Variants in ABCC12 observed in about 807,000 individuals in gnomAD.
The protein encoded by ABCC12 is ATP binding cassette subfamily C member 12.
Under a neutral mutation model 151.1 loss-of-function variants are expected in ABCC12, and 142 were observed. The observed-to-expected ratio is 0.94, with a 90% CI of 0.82 to 1.08. The LOEUF (loss-of-function observed/expected upper bound fraction) is 1.08, where lower values mean the gene tolerates loss of function less well. Among genes scored for constraint, ABCC12 ranks in the 50% least tolerant of loss-of-function variants. ABCC12 has a pLI of 0.00. For missense variants in ABCC12, 1,638 were observed against 1,691.1 expected (o/e 0.97, Z 0.55); for synonymous variants, 645 against 646.4 (o/e 1.00, Z 0.03).
chr16:48,118,253 C>G (rs1963956162), intron 13 of ABCC12, among the ~76,000 whole-genome samples: 1 of 152,188 alleles, frequency 6.6e-6, no homozygotes, highest in African/African-American at 2.4e-5. Flanking sequence ...GATGTCGTCC[C>G]CATGTTATGA....
chr16:48,104,188 G>C lies in ABCC12; in HGVS notation c.2854C>G (p.Leu952Val), dbSNP rs370090256. The C allele has an allele frequency of 1.2e-6, 2 of 1,614,160 alleles. No homozygotes were observed. The highest frequency in any genetic ancestry group is 1.7e-6 in the Non-Finnish European group (2 of 1,180,042). Residue 952 changes from leucine to valine, a missense_variant, in exon 22 of 31, where the codon CTT becomes GTT. Coordinates refer to ENST00000311303, the MANE Select transcript of ABCC12 (RefSeq NM_001393797.1). ...ACAGCAAGGCTGGCCACGACTAAAAGGACAGCAGGAAACACAGCAGCCAAG... is the reference window on the plus strand; with the variant it reads ...ACAGCAAGGCTGGCCACGACTAAAACGACAGCAGGAAACACAGCAGCCAAG... ...VILAAVFPAV[L>V]LVVASLAVGF...
chr16:48,111,669 A>C lies in ABCC12; in HGVS notation c.2125-7T>G. ...TGTAAAGGTGTTCAGGATCCTGGAGACAAAATGAAATTCCTTCTGAATGCT... is the reference window on the plus strand; with the variant it reads ...TGTAAAGGTGTTCAGGATCCTGGAGCCAAAATGAAATTCCTTCTGAATGCT... On this transcript the variant is annotated splice_region_variant and splice_polypyrimidine_tract_variant and intron_variant, in intron 16 of 30. Transcript: ENST00000311303. 1 of 1,614,086 alleles carries C rather than the reference A, an allele frequency of 6.2e-7. No homozygotes were observed. The highest frequency in any genetic ancestry group is 8.5e-7 in the Non-Finnish European group (1 of 1,180,012).
intron 19 of ABCC12, 98 bp downstream of exon 19, chr16:48,108,342 A>G (rs1963569162): frequency 2.6e-6 from 3 of 1,162,116 alleles, no homozygotes; most frequent in Non-Finnish European, 3.7e-6. Flanking sequence ...CATAAACAGA[A>G]TAATTGTTAA....
At chr16:48,136,736 G>T (rs888415081) in intron 8 of ABCC12, among the ~76,000 whole-genome samples, 1 of 152,166 alleles carries the variant, frequency 6.6e-6, no homozygotes, top group Non-Finnish European at 1.5e-5. Context: ...TCAAGACAAA[G>T]TTACTGTAAA....
At chr16:48,139,505 C>G (rs1221627598) in intron 6 of ABCC12, among the ~76,000 whole-genome samples, 169 bp from the exon 7 acceptor site, 1 of 152,042 alleles carries the variant, frequency 6.6e-6, no homozygotes, top group Non-Finnish European at 1.5e-5. Flanking sequence ...GGTTCTGGTA[C>G]GACTTTGGAG....
chr16:48,139,707 C>A (rs936475407), intron 6 of ABCC12, among the ~76,000 whole-genome samples: 1 of 152,194 alleles, frequency 6.6e-6, no homozygotes, highest in Non-Finnish European at 1.5e-5. Context: ...CATTTCCCAG[C>A]CTCCTTTGTG....
chr16:48,085,484 A>C (rs1410000467), intron 29 of ABCC12, 109 bp downstream of exon 29: 3 of 923,680 alleles, frequency 3.2e-6, no homozygotes, highest in African/African-American at 3.3e-5. Flanking sequence ...TAAATGGCTC[A>C]ATTGCTGTCT....
chr16:48,091,135 G>T lies in ABCC12; in HGVS notation c.3270C>A (p.Leu1090=). ...AATTTCTTACCGAAATGTATTCCCT[G>T]AGCAGCTCCACGGAGGTGAATTTGG... ...TQAKFTSVEL[L]REYISTCVPE... The change falls in exon 25 of 31, where the codon CTC becomes CTA. Residue 1090 remains leucine, a synonymous_variant. Coordinates refer to ENST00000311303, the MANE Select transcript of ABCC12 (RefSeq NM_001393797.1). The T allele has an allele frequency of 6.2e-7, 1 of 1,614,120 alleles. No homozygotes were observed. The highest frequency in any genetic ancestry group is 8.5e-7 in the Non-Finnish European group (1 of 1,180,012).
chr16:48,129,729 C>T (rs1835649435), intron 10 of ABCC12, among the ~76,000 whole-genome samples: 1 of 152,150 alleles, frequency 6.6e-6, no homozygotes, highest in African/African-American at 2.4e-5. Flanking sequence ...AATCACTGCG[C>T]TAATCAGATG....
Position 48,128,481 on chromosome 16 carries a change from C to T in ABCC12, c.1493G>A (p.Ser498Asn), listed in dbSNP as rs1380519794. ...QSDSLKSVLH[S>N]ISFVVRKGKI... Reference sequence around the variant, plus strand: ...CACCTTTCTCACCACAAAGCTTATGCTGTGCAGAACCGATTTGAGGCTGTC... The same window carrying T: ...CACCTTTCTCACCACAAAGCTTATGTTGTGCAGAACCGATTTGAGGCTGTC... The change falls in exon 11 of 31, where the codon AGC becomes AAC. Residue 498 changes from serine to asparagine, a missense_variant. Transcript: ENST00000311303. The T allele has an allele frequency of 2.5e-6, 4 of 1,614,250 alleles. No homozygotes were observed. Among genetic ancestry groups the T allele is most frequent in the Non-Finnish European group, 3.4e-6 (4 of 1,180,048 alleles).
chr16:48,114,091 CAGA>C (rs957225260), intron 15 of ABCC12, among the ~76,000 whole-genome samples: 1 of 152,156 alleles, frequency 6.6e-6, no homozygotes, highest in Non-Finnish European at 1.5e-5. Flanking sequence ...AGAACTAGGC[CAGA>C]AGAAGAACTA....
chr16:48,085,520 T>TCTGCCTCCTGGATTGAGTGGCG (rs1962551122), intron 29 of ABCC12, 73 bp downstream of exon 29: 2 of 1,306,316 alleles, frequency 1.5e-6, no homozygotes, highest in East Asian at 4.6e-5. Context: ...TACACGTGGC[T>TCTGCCTCCTGGATTGAGTGGCG]CTGCCTCCTG....
In ABCC12 at chr16:48,115,415, C is replaced by T. The variant is rs773987687; in HGVS notation, c.1989G>A (p.Gln663=). Residue 663 remains glutamine, a splice_region_variant and synonymous_variant, in exon 15 of 31, where the codon CAG becomes CAA. Transcript: ENST00000311303. ...KTVVLVTHQL[Q]FLESCDEVIL... is the part of the protein sequence containing the mutation. ...TCCTGGATCCTGCATGTCCCATCAC[C>T]TGTAGCTGGTGGGTCACCAGGACGA... 1.9e-6 allele frequency: 3 copies of T among 1,613,830 alleles called. No individual in the cohort carries two copies. Among genetic ancestry groups the T allele is most frequent in the African/African-American group, 1.3e-5 (1 of 74,940 alleles).
chr16:48,091,180 T>C lies in ABCC12; in HGVS notation c.3225A>G (p.Arg1075=). 1 of 1,614,160 alleles carries C rather than the reference T, an allele frequency of 6.2e-7. No individual in the cohort carries two copies. The highest frequency in any genetic ancestry group is 8.5e-7 in the Non-Finnish European group (1 of 1,180,018). Residue 1075 remains arginine, a synonymous_variant, in exon 25 of 31, where the codon CGA becomes CGG. Transcript: ENST00000311303. ...QLSGLLQVCV[R]TGTETQAKFT... The stretch of plus-strand genomic sequence containing the variant: ...ATTTGGCTTGCGTCTCTGTTCCCGT[T>C]CGCACACACACTTGGAGCAGTCCGC...
chr16:48,111,404 T>G (rs1567449660), intron 18 of ABCC12, 32 bp downstream of exon 18: 2 of 1,600,494 alleles, frequency 1.2e-6, no homozygotes, highest in South Asian at 2.2e-5. Context: ...CATCCTTAAG[T>G]GTATGTGACT....
chr16:48,140,968 G>GGCCA, intron 5 of ABCC12, 48 bp from the exon 6 acceptor site: 1 of 1,562,940 alleles, frequency 6.4e-7, no homozygotes, highest in Non-Finnish European at 8.8e-7. Context: ...GAGGGCTGAG[G>GGCCA]CTGGCATAGG....
At chr16:48,084,157 A>G (rs1356578313) in intron 29 of ABCC12, 84 bp from the exon 30 acceptor site, 30 of 1,391,512 alleles carry the variant, frequency 2.2e-5, no homozygotes, top group Non-Finnish European at 2.8e-5. Context: ...AAAAAAAAGA[A>G]GAAGAAGAAA....
intron 8 of ABCC12, 29 bp downstream of exon 8, chr16:48,138,199 G>T (rs201535431): frequency 2.1e-4 from 324 of 1,578,062 alleles, no homozygotes; most frequent in Non-Finnish European, 2.6e-4. Context: ...CAAGGTAAGT[G>T]GTTCTTTAAG....
chr16:48,132,395 T>C (rs886733799), intron 9 of ABCC12, among the ~76,000 whole-genome samples: 1 of 152,038 alleles, frequency 6.6e-6, no homozygotes, highest in Non-Finnish European at 1.5e-5. Flanking sequence ...AGGGCAGTCA[T>C]GGGCCCCACA....
Sources: allele counts gnomAD v4.1 joint callset (sites outside exome capture counted in the v4.1 genomes callset), GRCh38; gene constraint gnomAD v4.1.1; transcripts MANE v1.5; gene names NCBI Gene and HGNC (gene_info 2026-07-23, HGNC 2026-07-21).